Variants in CPM observed in about 807,000 individuals in gnomAD.
CPM encodes the protein carboxypeptidase M, also known as renal carboxypeptidase.
In CPM, 35 loss-of-function variants were observed where a neutral mutation model predicts 46.4. That is an observed-to-expected ratio of 0.75 (90% CI 0.58 to 1.00). The LOEUF is 1.00. Ranked by LOEUF, CPM falls within the 50% of genes least tolerant of loss-of-function variation. CPM has a pLI of 0.00. For synonymous variants in CPM, 195 were observed against 195.3 expected, an observed-to-expected ratio of 1.00 and a Z score of 0.01; for missense variants, 422 against 530.4, an observed-to-expected ratio of 0.80 and a Z score of 2.01.
At chr12:68,865,873 C>T (rs534338970) in intron 7 of CPM, among the ~76,000 whole-genome samples, 3 of 152,254 alleles carry the variant, frequency 2.0e-5, no homozygotes, top group South Asian at 4.1e-4. Context: ...TAAGTATAGC[C>T]GCTGGACCAG....
intron 2 of CPM, among the ~76,000 whole-genome samples, chr12:68,917,352 C>T (rs965877112): frequency 6.6e-6 from 1 of 152,186 alleles, no homozygotes; most frequent in African/African-American, 2.4e-5. Flanking sequence ...CCCCTATAGT[C>T]TCATGCTAGC....
intron 2 of CPM, among the ~76,000 whole-genome samples, chr12:68,918,972 C>T (rs941730609): frequency 1.3e-5 from 2 of 152,202 alleles, no homozygotes; most frequent in African/African-American, 4.8e-5. Context: ...TGCTCTGTCC[C>T]CTGTGTACCT....
chr12:68,874,268 C>T (rs1885841029), intron 3 of CPM, among the ~76,000 whole-genome samples: 2 of 152,158 alleles, frequency 1.3e-5, no homozygotes, highest in African/African-American at 4.8e-5. Flanking sequence ...CTTATGACCT[C>T]CCCTAAAGCC....
At chr12:68,889,050 C>T (rs566669800) in intron 2 of CPM, among the ~76,000 whole-genome samples, 1 of 152,302 alleles carries the variant, frequency 6.6e-6, no homozygotes, top group South Asian at 2.1e-4. Context: ...TGTAAAAGTG[C>T]CAATTCCTGA....
At chr12:68,948,774 A>T (rs1227206835) in intron 1 of CPM, among the ~76,000 whole-genome samples, 1 of 152,168 alleles carries the variant, frequency 6.6e-6, no homozygotes, top group Admixed American at 6.5e-5. Flanking sequence ...AGAAGTAAAA[A>T]GTCTTGCTAG....
At position 68,861,910 on chromosome 12, in the gene CPM, C is replaced by CAAA. The variant is rs58592710; in HGVS notation, c.941-2842_941-2840dup. ...GTAATGAGTAGTTGGCAGAAGACAC[C>CAAA]AAAAAAAAAAAAAAAAAAAAAAAAA... is the stretch of plus-strand genomic sequence containing the variant. On this transcript the variant is annotated intron_variant, in intron 7 of 8. Coordinates refer to ENST00000551568, the MANE Select transcript of CPM (RefSeq NM_198320.5). Among the ~76,000 whole-genome samples, 31 of 39,266 alleles carry CAAA rather than the reference C, an allele frequency of 7.9e-4. 4 individuals carry two copies. The highest frequency in any genetic ancestry group is 2.7e-3 in the African/African-American group (25 of 9,290). The allele number at this position is 39,266 out of a possible 152,430, so 25.8% of individuals were successfully genotyped here. A position where few individuals can be genotyped will look rare whatever the true frequency, so the allele number is the denominator to read the frequency against.
intron 1 of CPM, among the ~76,000 whole-genome samples, chr12:68,953,433 T>G (rs1469728396): frequency 6.6e-6 from 1 of 152,258 alleles, no homozygotes; most frequent in East Asian, 1.9e-4. Context: ...TAATCTTTTC[T>G]GACAGTCCTA....
intron 7 of CPM, among the ~76,000 whole-genome samples, chr12:68,861,675 C>T (rs1196276): frequency 0.83 from 125,339 of 151,592 alleles, 52,269 homozygotes; most frequent in East Asian, 0.94. Flanking sequence ...ATTACAGGCA[C>T]GCACCATCAC....
At chr12:68,877,503 C>A (rs1629426) in intron 3 of CPM, among the ~76,000 whole-genome samples, 23,087 of 152,176 alleles carry the variant, frequency 0.15, 3,542 homozygotes, top group African/African-American at 0.39. Flanking sequence ...ATACCGAACA[C>A]ATTTTATAGA....
chr12:68,912,680 A>G (rs1887647505), intron 2 of CPM, among the ~76,000 whole-genome samples: 1 of 152,056 alleles, frequency 6.6e-6, no homozygotes, highest in Admixed American at 6.5e-5. Flanking sequence ...GGCACACTCT[A>G]CTCCTTTAAC....
At chr12:68,907,180 A>G (rs1291231887) in intron 2 of CPM, among the ~76,000 whole-genome samples, 1 of 152,220 alleles carries the variant, frequency 6.6e-6, no homozygotes, top group Admixed American at 6.5e-5. Flanking sequence ...GATAACCAGT[A>G]AGGTGTCATA....
chr12:68,935,388 G>T (rs1171938593), upstream of CPM, among the ~76,000 whole-genome samples: 1 of 152,180 alleles, frequency 6.6e-6, no homozygotes, highest in East Asian at 1.9e-4. Context: ...AGCCTCTAAC[G>T]TACCTGGGAT....
At chr12:68,887,426 G>A (rs1012856133) in intron 2 of CPM, among the ~76,000 whole-genome samples, 2 of 152,106 alleles carry the variant, frequency 1.3e-5, no homozygotes, top group African/African-American at 4.8e-5. Context: ...GGGACTCAGG[G>A]AACAGCAGAT....
At chr12:68,844,689 G>A (rs1372878342) in intron 5 of CPM, 2 of 222,828 alleles carry the variant, frequency 9.0e-6, no homozygotes, top group African/African-American at 4.5e-5. Context: ...GGAGCTTGTG[G>A]GCCCCTAAGC....
intron 3 of CPM, among the ~76,000 whole-genome samples, chr12:68,877,824 G>T (rs1045554357): frequency 3.3e-5 from 5 of 152,188 alleles, no homozygotes; most frequent in African/African-American, 9.7e-5. Context: ...GTACTTCCCA[G>T]ATTTTCCAGA....
intron 7 of CPM, among the ~76,000 whole-genome samples, chr12:68,862,001 A>G (rs973834083): frequency 2.1e-5 from 3 of 140,984 alleles, no homozygotes; most frequent in East Asian, 1.9e-4. Context: ...ACACTTTAAT[A>G]GAACAGATTT....
intron 2 of CPM, among the ~76,000 whole-genome samples, chr12:68,928,411 A>G (rs535982687): frequency 1.7e-3 from 266 of 152,358 alleles, no homozygotes; most frequent in African/African-American, 6.0e-3. Context: ...TGCTTTTTAA[A>G]AGAGAATAGA....
intron 1 of CPM, among the ~76,000 whole-genome samples, chr12:68,938,664 T>A (rs1347419366): frequency 6.6e-6 from 1 of 152,070 alleles, no homozygotes; most frequent in South Asian, 2.1e-4. Flanking sequence ...AAATGTCAAA[T>A]GTATAATTTA....
intron 2 of CPM, among the ~76,000 whole-genome samples, chr12:68,926,266 T>G (rs1163329412): frequency 2.0e-5 from 3 of 152,322 alleles, no homozygotes; most frequent in African/African-American, 7.2e-5. Context: ...TCTAAAATAT[T>G]ATCATTTCAA....
Sources: allele counts gnomAD v4.1 joint callset (sites outside exome capture counted in the v4.1 genomes callset), GRCh38; gene constraint gnomAD v4.1.1; transcripts MANE v1.5; gene names NCBI Gene and HGNC (gene_info 2026-07-23, HGNC 2026-07-21).